PEX5L: variants seen among roughly 807,000 people sequenced by gnomAD.
The protein encoded by PEX5L is PEX5-related protein.
Under a neutral mutation model 84.0 loss-of-function variants are expected in PEX5L, and 30 were observed. That is an observed-to-expected ratio of 0.36 (90% confidence interval 0.27 to 0.48). PEX5L has a LOEUF of 0.48. Among genes scored for constraint, PEX5L ranks in the 20% least tolerant of loss-of-function variants. PEX5L has a pLI of 0.99. For synonymous variants in PEX5L, 270 were observed against 283.1 expected (o/e 0.95, Z 0.46); for missense variants, 533 against 754.6 (o/e 0.71, Z 3.44).
chr3:179,852,259 T>C (rs1408518208), intron 8 of PEX5L, among the ~76,000 whole-genome samples: 1 of 152,098 alleles, frequency 6.6e-6, no homozygotes, highest in Non-Finnish European at 1.5e-5. Context: ...CCTCATGTGG[T>C]GTGGACAGGA....
chr3:179,860,433 G>A (rs571664836), intron 7 of PEX5L, among the ~76,000 whole-genome samples: 71 of 152,320 alleles, frequency 4.7e-4, no homozygotes, highest in Admixed American at 9.8e-4. Context: ...CTGGCTTTCC[G>A]TGGGAATTAC....
intron 2 of PEX5L, among the ~76,000 whole-genome samples, chr3:179,920,704 A>G (rs1410494148): frequency 6.6e-6 from 1 of 152,176 alleles, no homozygotes; most frequent in Non-Finnish European, 1.5e-5. Flanking sequence ...AACTTTTCAC[A>G]TCTTTACAAA....
rs75733142 is a variant in PEX5L at position 179,928,105 on chromosome 3, T to C, written c.94-29859A>G. Among the ~76,000 whole-genome samples, 4 of 152,352 alleles carry C rather than the reference T, an allele frequency of 2.6e-5. No individual in the cohort carries two copies. In the East Asian group the frequency reaches 5.8e-4, roughly 22 times the overall value. ...GGTTGATCAGTGGGTCCAGGGACTA[T>C]CTGCCTGTTCCTTTCATATAATTGT... On this transcript the variant is annotated intron_variant, in intron 2 of 14. Transcript: ENST00000467460.
At chr3:179,866,665 A>G (rs887786272) in intron 7 of PEX5L, among the ~76,000 whole-genome samples, 1 of 152,156 alleles carries the variant, frequency 6.6e-6, no homozygotes, top group African/African-American at 2.4e-5. Flanking sequence ...TAGATCATTT[A>G]AACACTTTCC....
At chr3:179,902,852 A>G (rs1761869926) in intron 2 of PEX5L, among the ~76,000 whole-genome samples, 1 of 152,182 alleles carries the variant, frequency 6.6e-6, no homozygotes, top group South Asian at 2.1e-4. Context: ...AAACAGAAGA[A>G]ATTGAGATAG....
rs1235132301 is a variant in PEX5L at position 179,797,775 on chromosome 3, A to G, written c.*4053T>C. 1 of 151,868 alleles carries G rather than the reference A, an allele frequency of 6.6e-6. No homozygotes were observed. Among genetic ancestry groups the G allele is most frequent in the African/African-American group, 2.4e-5 (1 of 41,312 alleles). The allele number at this position is 151,868 out of a possible 1,614,324, so 9.4% of individuals were successfully genotyped here. A position where few individuals can be genotyped will look rare whatever the true frequency, so the allele number is the denominator to read the frequency against. On this transcript the variant is annotated 3_prime_UTR_variant, in exon 15 of 15. Transcript: ENST00000467460. ...AAATCATAAGTGTGCACGTGTAATA[A>G]TTTCTAAAATAAGAGGGTTCAAAAA...
chr3:179,898,232 C>G lies in PEX5L; in HGVS notation c.108G>C (p.Arg36Ser), dbSNP rs759369101. The change falls in exon 3 of 15, where the codon AGG becomes AGC. Residue 36 changes from arginine (R) to serine (S), a missense_variant. By Grantham distance (110) the Arg-to-Ser change is moderately radical. Transcript: ENST00000467460. ...CCATGGCAACAGCCTTATCTGCCGC[C>G]CTAGAGCCTTTTCCCTATAACAGTG... ...IVDQKQGKGSRAADKAVAMVM... is the reference protein window; with the variant it reads ...IVDQKQGKGSSAADKAVAMVM... 6.2e-7 allele frequency: 1 copy of G among 1,612,646 alleles called. No individual in the cohort carries two copies. The highest frequency in any genetic ancestry group is 2.2e-5 in the East Asian group (1 of 44,862).
chr3:179,905,660 T>TG (rs1043575287), intron 2 of PEX5L, among the ~76,000 whole-genome samples: 1 of 152,062 alleles, frequency 6.6e-6, no homozygotes, highest in African/African-American at 2.4e-5. Flanking sequence ...GCCATTTTTT[T>TG]TTTTCCTGAC....
rs1210116202 is a variant in PEX5L at position 179,796,296 on chromosome 3, C to G, written c.*5532G>C. 6.6e-6 allele frequency: 1 copy of G among 151,944 alleles called. No individual in the cohort carries two copies. The highest frequency in any genetic ancestry group is 1.5e-5 in the Non-Finnish European group (1 of 68,018). 9.4% of individuals were successfully genotyped at this position (151,944 alleles called of 1,614,324 possible). A position where few individuals can be genotyped will look rare whatever the true frequency, so the allele number is the denominator to read the frequency against. On this transcript the variant is annotated 3_prime_UTR_variant, in exon 15 of 15. Transcript: ENST00000467460. ...TTGAGTGCAGGCTTCTATTAAGTATCCCACGGAGCTCATCAGGGTTTTGCT... is the reference window on the plus strand; with the variant it reads ...TTGAGTGCAGGCTTCTATTAAGTATGCCACGGAGCTCATCAGGGTTTTGCT...
chr3:180,031,699 G>A (rs1791484702), intron 1 of PEX5L, among the ~76,000 whole-genome samples: 1 of 152,176 alleles, frequency 6.6e-6, no homozygotes, highest in Admixed American at 6.5e-5. Context: ...CCTTTTAACA[G>A]CTTTAGCTTA....
At chr3:179,971,708 A>T (rs1220740627) in intron 1 of PEX5L, 43 bp from the exon 2 acceptor site, 21 of 1,514,374 alleles carry the variant, frequency 1.4e-5, no homozygotes, top group Non-Finnish European at 1.9e-5. Flanking sequence ...GTTTCTATCC[A>T]TTAACAATCT....
At chr3:179,887,579 T>C (rs1458149171) in intron 4 of PEX5L, 94 bp downstream of exon 4, 1 of 805,738 alleles carries the variant, frequency 1.2e-6, no homozygotes, top group Non-Finnish European at 2.1e-6. Context: ...GCAAACGTTC[T>C]TTCCTCACTT....
chr3:179,982,471 CA>C (rs1786424719), intron 1 of PEX5L, among the ~76,000 whole-genome samples: 1 of 152,042 alleles, frequency 6.6e-6, no homozygotes, highest in African/African-American at 2.4e-5. Context: ...AATCAAATCC[CA>C]AATCTTAGGT....
At chr3:179,885,665 G>A (rs1755624847) in intron 4 of PEX5L, among the ~76,000 whole-genome samples, 2 of 151,762 alleles carry the variant, frequency 1.3e-5, no homozygotes, top group South Asian at 2.1e-4. Flanking sequence ...AAAAAAAGCG[G>A]GGGGTGGAAA....
chr3:179,853,846 CTGTCATT>C (rs1742897327), intron 8 of PEX5L, among the ~76,000 whole-genome samples: 1 of 150,946 alleles, frequency 6.6e-6, no homozygotes, highest in African/African-American at 2.4e-5. Flanking sequence ...GGGTCTCCTT[CTGTCATT>C]CAGGCTGGAG....
chr3:180,015,424 TG>T (rs1412240224), intron 1 of PEX5L, among the ~76,000 whole-genome samples: 2 of 152,236 alleles, frequency 1.3e-5, no homozygotes, highest in Non-Finnish European at 2.9e-5. Context: ...TTAATTCTAA[TG>T]TCATGCTCTT....
chr3:179,988,803 A>C (rs1267873309), intron 1 of PEX5L, among the ~76,000 whole-genome samples: 1 of 152,226 alleles, frequency 6.6e-6, no homozygotes. Context: ...TAGGAGTTAA[A>C]TCATAGGTAA....
At chr3:179,813,834 G>A (rs1431537249) in intron 10 of PEX5L, among the ~76,000 whole-genome samples, 13 of 151,852 alleles carry the variant, frequency 8.6e-5, no homozygotes, top group Admixed American at 2.6e-4. Context: ...CCGCCACCGC[G>A]CCCGGCTAAT....
rs1221858726 is a variant in PEX5L, at chr3:179,919,467, G to A, written c.94-21221C>T. On this transcript the variant is annotated intron_variant, in intron 2 of 14. Transcript: ENST00000467460. ...GACTAGGGGCTCTTTCACAGGCATCGCTGGGTCACGCTTGATGGAACTCTG... is the reference window on the plus strand; with the variant it reads ...GACTAGGGGCTCTTTCACAGGCATCACTGGGTCACGCTTGATGGAACTCTG... 3.3e-5 allele frequency among the ~76,000 whole-genome samples: 5 copies of A among 152,202 alleles called. No homozygotes were observed. The South Asian group carries it at 8.3e-4, about 25-fold the overall frequency.
Sources: gnomAD v4.1 joint callset for allele counts (sites outside exome capture counted in the v4.1 genomes callset) on GRCh38, gnomAD v4.1.1 for gene constraint, MANE v1.5 for transcripts, NCBI Gene and HGNC (gene_info 2026-07-23, HGNC 2026-07-21) for gene names.